DPP10: variants seen among roughly 807,000 people sequenced by gnomAD.
The protein encoded by DPP10 is inactive dipeptidyl peptidase 10.
In DPP10, 33 loss-of-function variants were observed where a neutral mutation model predicts 120.9. The ratio of observed to expected loss-of-function variants is 0.27; its 90% CI spans 0.21 to 0.37. The LOEUF is 0.37. Among genes scored for constraint, DPP10 ranks in the 10% least tolerant of loss-of-function variants. The pLI is 1.00. For synonymous variants in DPP10, 337 were observed against 326.1 expected, an observed-to-expected ratio of 1.03 and a Z score of -0.36; for missense variants, 816 against 942.8, an observed-to-expected ratio of 0.87 and a Z score of 1.76.
intron 1 of DPP10, among the ~76,000 whole-genome samples, chr2:115,026,792 C>T (rs578092053): frequency 6.6e-6 from 1 of 152,278 alleles, no homozygotes; most frequent in South Asian, 2.1e-4. Flanking sequence ...CCACCTCTGC[C>T]TCCCAAATGC....
chr2:114,960,795 T>C (rs1479332279), intron 1 of DPP10, among the ~76,000 whole-genome samples: 1 of 152,156 alleles, frequency 6.6e-6, no homozygotes, highest in Non-Finnish European at 1.5e-5. Context: ...TGAATTGCAT[T>C]CTTCTGTCAA....
chr2:115,417,204 A>G (rs1347213666), intron 3 of DPP10, among the ~76,000 whole-genome samples: 1 of 152,156 alleles, frequency 6.6e-6, no homozygotes, highest in Non-Finnish European at 1.5e-5. Context: ...TTCTTCCAAT[A>G]TTAATTACTA....
intron 17 of DPP10, among the ~76,000 whole-genome samples, chr2:115,786,098 G>C (rs888449687): frequency 6.6e-6 from 1 of 152,066 alleles, no homozygotes; most frequent in Non-Finnish European, 1.5e-5. Context: ...TGATGTGCCT[G>C]AGGTTACACA....
At chr2:115,514,992 A>T (rs542691320) in intron 4 of DPP10, among the ~76,000 whole-genome samples, 2 of 151,898 alleles carry the variant, frequency 1.3e-5, no homozygotes, top group South Asian at 4.1e-4. Context: ...GTAAGTGTAT[A>T]CGTCTACATT....
intron 1 of DPP10, among the ~76,000 whole-genome samples, chr2:114,986,900 A>G (rs1474208846): frequency 6.6e-5 from 10 of 152,000 alleles, no homozygotes; most frequent in African/African-American, 2.4e-4. Context: ...CCTCCCAAGT[A>G]GCTGGGGATT....
chr2:115,402,893 A>G (rs9752057), intron 3 of DPP10, among the ~76,000 whole-genome samples: 6,620 of 52,536 alleles, frequency 0.13, 385 homozygotes, highest in African/African-American at 0.2. Context: ...GTGTGTGTGT[A>G]TATATATATG....
intron 3 of DPP10, among the ~76,000 whole-genome samples, chr2:115,359,778 A>G (rs2064647673): frequency 6.6e-6 from 1 of 151,348 alleles, no homozygotes; most frequent in Admixed American, 6.6e-5. Context: ...TATTTACATA[A>G]CCCTGTATTT....
chr2:115,067,204 G>A (rs1466819080), intron 1 of DPP10, among the ~76,000 whole-genome samples: 1 of 151,816 alleles, frequency 6.6e-6, no homozygotes, highest in Non-Finnish European at 1.5e-5. Context: ...GTTTTCTATG[G>A]TCATCCATGT....
chr2:114,818,151 T>C (rs898149894), intron 1 of DPP10, among the ~76,000 whole-genome samples: 1 of 152,198 alleles, frequency 6.6e-6, no homozygotes, highest in Non-Finnish European at 1.5e-5. Context: ...AAATTTAACA[T>C]ATTCCTGGTA....
intron 1 of DPP10, among the ~76,000 whole-genome samples, chr2:114,553,037 A>G (rs1345321505): frequency 6.6e-6 from 1 of 152,122 alleles, no homozygotes; most frequent in Admixed American, 6.6e-5. Flanking sequence ...CTCTCAGTCA[A>G]TGCTCCCAGA....
At position 115,343,672 on chromosome 2, in the gene DPP10, A is replaced by G. The variant is rs192207003; in HGVS notation, c.176-145A>G. ...TTAAAAAGTCATTAAACAAAGTTCA[A>G]ATGCCAAAAACCATGTCAAAATGGT... is the stretch of plus-strand genomic sequence containing the variant. On this transcript the variant is annotated intron_variant, in intron 2 of 25. Coordinates refer to ENST00000410059, the MANE Select transcript of DPP10 (RefSeq NM_020868.6). The G allele has an allele frequency of 4.2e-3, 1,909 of 452,874 alleles. 5 individuals carry two copies. Among genetic ancestry groups the G allele is most frequent in the Non-Finnish European group, 6.4e-3 (1,643 of 256,398 alleles). The allele number at this position is 452,874 out of a possible 1,614,324, so 28.1% of individuals were successfully genotyped here.
intron 5 of DPP10, among the ~76,000 whole-genome samples, chr2:115,655,860 G>A (rs1462852623): frequency 6.6e-6 from 1 of 151,578 alleles, no homozygotes; most frequent in Non-Finnish European, 1.5e-5. Context: ...GGCTGAGGAG[G>A]AAGACTGAAT....
intron 7 of DPP10, among the ~76,000 whole-genome samples, chr2:115,717,374 TATAATAAAAAATA>T (rs1559068563): frequency 4.0e-5 from 6 of 151,834 alleles, no homozygotes; most frequent in African/African-American, 1.5e-4. Flanking sequence ...AAACTTAAAG[TATAATAAAAAATA>T]AATAAAAAAT....
chr2:114,652,350 GA>G (rs1696654182), intron 1 of DPP10, among the ~76,000 whole-genome samples: 1 of 152,202 alleles, frequency 6.6e-6, no homozygotes, highest in East Asian at 1.9e-4. Context: ...CATCCTAACA[GA>G]ACCCCAGAGA....
intron 1 of DPP10, among the ~76,000 whole-genome samples, chr2:115,146,999 G>T (rs1194511574): frequency 2.0e-5 from 3 of 151,816 alleles, no homozygotes; most frequent in African/African-American, 7.3e-5. Context: ...CAGTGCATAG[G>T]GACTAAGATA....
chr2:114,965,312 T>C (rs1167603176), intron 1 of DPP10, among the ~76,000 whole-genome samples: 2 of 151,754 alleles, frequency 1.3e-5, no homozygotes, highest in South Asian at 2.1e-4. Flanking sequence ...GATTTTGGTA[T>C]TATTAGTAGG....
At chr2:114,525,959 C>T (rs1203128347) in intron 1 of DPP10, among the ~76,000 whole-genome samples, 1 of 152,194 alleles carries the variant, frequency 6.6e-6, no homozygotes, top group Non-Finnish European at 1.5e-5. Flanking sequence ...TCTATTTAGG[C>T]ACAAGCAAGG....
chr2:114,486,128 C>A (rs528681298), intron 1 of DPP10, among the ~76,000 whole-genome samples: 1 of 152,204 alleles, frequency 6.6e-6, no homozygotes, highest in East Asian at 1.9e-4. Context: ...TTAAGAAATT[C>A]TGGAAATTCA....
At chr2:114,798,809 C>G (rs929909724) in intron 1 of DPP10, among the ~76,000 whole-genome samples, 4 of 152,090 alleles carry the variant, frequency 2.6e-5, no homozygotes, top group African/African-American at 9.7e-5. Context: ...TTGTGTTATA[C>G]TTAAATTTAC....
Sources: allele counts gnomAD v4.1 joint callset (sites outside exome capture counted in the v4.1 genomes callset), GRCh38; gene constraint gnomAD v4.1.1; transcripts MANE v1.5; gene names NCBI Gene and HGNC (gene_info 2026-07-23, HGNC 2026-07-21).